The following DLG1 variants were observed in gnomAD, a reference collection of about 807,000 sequenced individuals.
DLG1 encodes the protein disks large homolog 1.
Under a neutral mutation model 123.4 loss-of-function variants are expected in DLG1, and 42 were observed. The ratio of observed to expected loss-of-function variants is 0.34; its 90% confidence interval spans 0.27 to 0.44. The LOEUF (loss-of-function observed/expected upper bound fraction) is 0.44, where lower values mean the gene tolerates loss of function less well. Ranked by LOEUF, DLG1 falls within the 20% of genes least tolerant of loss-of-function variation. The probability of loss-of-function intolerance (pLI) is 1.00; values close to 1 mark genes in which losing one functional copy is unlikely to be tolerated. For missense variants in DLG1, 942 were observed against 1,082.6 expected, an observed-to-expected ratio of 0.87 and a Z score of 1.82; for synonymous variants, 317 against 356.2, an observed-to-expected ratio of 0.89 and a Z score of 1.24.
chr3:197,091,585 GAC>G (rs1235638572), intron 14 of DLG1, among the ~76,000 whole-genome samples: 2 of 151,770 alleles, frequency 1.3e-5, no homozygotes, highest in African/African-American at 4.8e-5. Flanking sequence ...CAAAATTCAA[GAC>G]ACAAAAGCAA....
intron 23 of DLG1, among the ~76,000 whole-genome samples, chr3:197,052,756 G>T (rs1445307471): frequency 1.3e-5 from 2 of 152,136 alleles, no homozygotes; most frequent in African/African-American, 4.8e-5. Flanking sequence ...ATCTGCAGAA[G>T]AAATGACCTG....
At chr3:197,123,298 T>C (rs73210506) in intron 11 of DLG1, among the ~76,000 whole-genome samples, 21,573 of 152,114 alleles carry the variant, frequency 0.14, 1,670 homozygotes, top group Non-Finnish European at 0.17. Flanking sequence ...ATTTTATCCA[T>C]CAAAAAGTAC....
intron 23 of DLG1, among the ~76,000 whole-genome samples, chr3:197,058,837 T>TG (rs1560377183): frequency 6.6e-6 from 1 of 152,106 alleles, no homozygotes; most frequent in African/African-American, 2.4e-5. Flanking sequence ...CTGTCAATTT[T>TG]TATTTTTTGT....
At chr3:197,169,176 G>A (rs1802858822) in intron 5 of DLG1, among the ~76,000 whole-genome samples, 1 of 152,138 alleles carries the variant, frequency 6.6e-6, no homozygotes, top group African/African-American at 2.4e-5. Flanking sequence ...CCACATTTAT[G>A]ACCATGTACC....
chr3:197,256,762 A>G (rs1292739931), intron 4 of DLG1, among the ~76,000 whole-genome samples: 1 of 152,218 alleles, frequency 6.6e-6, no homozygotes, highest in African/African-American at 2.4e-5. Flanking sequence ...GGATCAATCT[A>G]GGAAGTACTA....
At chr3:197,109,344 G>T (rs9859193) in intron 13 of DLG1, among the ~76,000 whole-genome samples, 32,025 of 152,162 alleles carry the variant, frequency 0.21, 4,117 homozygotes, top group African/African-American at 0.36. Flanking sequence ...CCAGCCTGGG[G>T]GACAGAGTGA....
At chr3:197,248,464 C>G (rs1200804136) in intron 4 of DLG1, among the ~76,000 whole-genome samples, 1 of 152,122 alleles carries the variant, frequency 6.6e-6, no homozygotes, top group Non-Finnish European at 1.5e-5. Context: ...CCCAGATGAG[C>G]CCCCAAATTT....
intron 3 of DLG1, among the ~76,000 whole-genome samples, chr3:197,292,323 TGAACCTTGC>T (rs1170316465): frequency 6.6e-6 from 1 of 152,136 alleles, no homozygotes; most frequent in Non-Finnish European, 1.5e-5. Context: ...ACAACATGAA[TGAACCTTGC>T]GGACTCTACA....
chr3:197,091,746 T>C (rs1335048808), intron 14 of DLG1, among the ~76,000 whole-genome samples: 1 of 152,144 alleles, frequency 6.6e-6, no homozygotes, highest in Non-Finnish European at 1.5e-5. Context: ...ATATTGCAGT[T>C]ACATGGTTAT....
intron 11 of DLG1, among the ~76,000 whole-genome samples, chr3:197,126,836 T>C (rs1779373628): frequency 6.6e-6 from 1 of 152,178 alleles, no homozygotes; most frequent in African/African-American, 2.4e-5. Flanking sequence ...AGTATGTAGA[T>C]TTCAAAATGT....
chr3:197,071,431 TA>T lies in DLG1; in HGVS notation c.2006-2172del, dbSNP rs1342428361. Among the ~76,000 whole-genome samples, 226 of 150,118 alleles carry T rather than the reference TA, an allele frequency of 1.5e-3. 5 individuals carry two copies. Among genetic ancestry groups the T allele is most frequent in the Non-Finnish European group, 4.0e-4 (27 of 67,606 alleles). On this transcript the variant is annotated intron_variant, in intron 18 of 24. Transcript: ENST00000667157. ...TTTTTTTTTTTTTTGAGATTTCTCCTACTCACCTCAAACCCTCTAAGACTGC... is the reference window on the plus strand; with the variant it reads ...TTTTTTTTTTTTTTGAGATTTCTCCTCTCACCTCAAACCCTCTAAGACTGC...
chr3:197,296,277 TTAAAA>T (rs2151296127), intron 3 of DLG1, 64 bp downstream of exon 3: 1 of 1,441,778 alleles, frequency 6.9e-7, no homozygotes, highest in African/African-American at 1.4e-5. Flanking sequence ...TTTCTTAAGT[TTAAAA>T]TAAATGAATT....
At chr3:197,217,627 A>C (rs928654474) in intron 4 of DLG1, among the ~76,000 whole-genome samples, 4 of 152,252 alleles carry the variant, frequency 2.6e-5, no homozygotes, top group Non-Finnish European at 5.9e-5. Flanking sequence ...ATACTGATAC[A>C]GGCAAGGACA....
At chr3:197,273,789 G>A (rs1483413756) in intron 4 of DLG1, among the ~76,000 whole-genome samples, 1 of 117,930 alleles carries the variant, frequency 8.5e-6, no homozygotes, top group Non-Finnish European at 1.6e-5. Flanking sequence ...TATTTCTATA[G>A]ACCAACACCA....
chr3:197,064,488 C>T (rs972683830), intron 22 of DLG1, among the ~76,000 whole-genome samples: 15 of 152,188 alleles, frequency 9.9e-5, no homozygotes, highest in African/African-American at 2.9e-4. Flanking sequence ...CCACCGCACC[C>T]GGCCTTTACA....
chr3:197,193,230 T>A (rs1720608740), intron 5 of DLG1, among the ~76,000 whole-genome samples: 1 of 151,806 alleles, frequency 6.6e-6, no homozygotes, highest in Admixed American at 6.6e-5. Flanking sequence ...TGAGCAAAAA[T>A]CTTAAATGGG....
intron 4 of DLG1, among the ~76,000 whole-genome samples, chr3:197,258,708 A>T (rs118012831): frequency 0.019 from 2,900 of 152,318 alleles, 177 homozygotes; most frequent in Admixed American, 0.12. Context: ...GAAAAGAACA[A>T]GGGATGGGGT....
intron 4 of DLG1, among the ~76,000 whole-genome samples, chr3:197,261,846 A>C (rs1232768385): frequency 6.6e-6 from 1 of 152,156 alleles, no homozygotes; most frequent in African/African-American, 2.4e-5. Context: ...ACTTTACCTT[A>C]CTTTATCTAA....
intron 11 of DLG1, among the ~76,000 whole-genome samples, chr3:197,127,730 C>A (rs1287851479): frequency 6.6e-6 from 1 of 151,590 alleles, no homozygotes; most frequent in African/African-American, 2.4e-5. Flanking sequence ...GAATTACAGA[C>A]ATACCTCAGA....
Sources: gnomAD v4.1 joint callset for allele counts (sites outside exome capture counted in the v4.1 genomes callset) on GRCh38, gnomAD v4.1.1 for gene constraint, MANE v1.5 for transcripts, NCBI Gene and HGNC (gene_info 2026-07-23, HGNC 2026-07-21) for gene names.